COMMD10: variants seen among roughly 807,000 people sequenced by gnomAD.
The protein encoded by COMMD10 is COMM domain-containing protein 10.
A neutral mutation model predicts 28.9 loss-of-function variants in COMMD10; 33 were observed. That is an observed-to-expected ratio of 1.14 (90% CI 0.87 to 1.53). COMMD10 has a LOEUF of 1.53. COMMD10 is among the 40% of genes most tolerant of loss of function. The pLI is 0.00. For synonymous variants in COMMD10, 110 were observed against 81.7 expected (o/e 1.35, Z -1.87); for missense variants, 310 against 233.4 (o/e 1.33, Z -2.14).
At chr5:116,183,976 G>A (rs979480776) in intron 5 of COMMD10, among the ~76,000 whole-genome samples, 1 of 152,112 alleles carries the variant, frequency 6.6e-6, no homozygotes, top group Admixed American at 6.6e-5. Context: ...ATTTTGTGTG[G>A]ATTTTAATTA....
intron 5 of COMMD10, among the ~76,000 whole-genome samples, chr5:116,185,110 T>C (rs556947212): frequency 2.0e-5 from 3 of 152,142 alleles, no homozygotes; most frequent in Non-Finnish European, 2.9e-5. Context: ...AAGGGAGATA[T>C]AAGTACAAGT....
intron 1 of COMMD10, among the ~76,000 whole-genome samples, chr5:116,086,382 T>C (rs917281078): frequency 5.9e-5 from 9 of 152,166 alleles, no homozygotes; most frequent in Non-Finnish European, 1.2e-4. Flanking sequence ...TCATTTAAAG[T>C]TGATTATTAC....
chr5:116,235,748 A>G (rs1297574188), intron 5 of COMMD10, among the ~76,000 whole-genome samples: 4 of 152,146 alleles, frequency 2.6e-5, no homozygotes, highest in Non-Finnish European at 5.9e-5. Context: ...TTGTGTTGGT[A>G]ACATCTTTTT....
intron 4 of COMMD10, among the ~76,000 whole-genome samples, chr5:116,130,099 A>C (rs1751816073): frequency 6.6e-6 from 1 of 151,778 alleles, no homozygotes; most frequent in South Asian, 2.1e-4. Flanking sequence ...TAAGAAAGCC[A>C]ATCCATGAAT....
At chr5:116,125,641 G>A (rs1751602960) in intron 4 of COMMD10, among the ~76,000 whole-genome samples, 1 of 152,068 alleles carries the variant, frequency 6.6e-6, no homozygotes, top group African/African-American at 2.4e-5. Context: ...ATCCTGCAGA[G>A]TGTTTTCCAA....
chr5:116,107,621 G>T (rs1750884597), intron 4 of COMMD10, among the ~76,000 whole-genome samples: 1 of 151,998 alleles, frequency 6.6e-6, no homozygotes, highest in Admixed American at 6.6e-5. Flanking sequence ...CATTGGGTTA[G>T]AACATGCGCC....
intron 5 of COMMD10, among the ~76,000 whole-genome samples, chr5:116,222,638 T>A (rs1251576928): frequency 6.6e-6 from 1 of 152,188 alleles, no homozygotes; most frequent in Non-Finnish European, 1.5e-5. Flanking sequence ...TTTTGGCCTT[T>A]TGTTCACAAA....
chr5:116,283,647 T>A (rs7708270), intron 5 of COMMD10, among the ~76,000 whole-genome samples: 8,208 of 151,798 alleles, frequency 0.054, 402 homozygotes, highest in African/African-American at 0.11. Context: ...AAATAAGACC[T>A]GTTATTTTGA....
Position 116,273,037 on chromosome 5 carries a change from C to T in COMMD10, c.511-18480C>T, listed in dbSNP as rs116141936. Reference sequence around the variant, plus strand: ...TCTCCATCAAGTCTTTATAAAACATCAATGATTTCACCACATTTCACCCAC... The same window carrying T: ...TCTCCATCAAGTCTTTATAAAACATTAATGATTTCACCACATTTCACCCAC... On this transcript the variant is annotated intron_variant, in intron 5 of 6. Coordinates refer to ENST00000274458, the MANE Select transcript of COMMD10 (RefSeq NM_016144.4). Among the ~76,000 whole-genome samples the T allele has an allele frequency of 4.9e-3, 740 of 151,884 alleles. 17 individuals carry two copies. Among genetic ancestry groups the T allele is most frequent in the African/African-American group, 0.015 (630 of 41,272 alleles).
chr5:116,191,094 G>A (rs1219390700), intron 5 of COMMD10, among the ~76,000 whole-genome samples: 1 of 152,106 alleles, frequency 6.6e-6, no homozygotes, highest in African/African-American at 2.4e-5. Flanking sequence ...ATAGACTCAT[G>A]CTATTTCCAG....
At chr5:116,188,578 T>G (rs1044950500) in intron 5 of COMMD10, 3 of 151,676 alleles carry the variant, frequency 2.0e-5, no homozygotes, top group African/African-American at 4.9e-5. Context: ...CTTTCTTCTT[T>G]CTTTCTTTCT....
At chr5:116,130,819 A>G (rs1447156830) in intron 4 of COMMD10, among the ~76,000 whole-genome samples, 1 of 152,030 alleles carries the variant, frequency 6.6e-6, no homozygotes, top group Non-Finnish European at 1.5e-5. Flanking sequence ...TTAGAGTTGT[A>G]TCCTTTTGTC....
intron 4 of COMMD10, among the ~76,000 whole-genome samples, chr5:116,114,202 A>G (rs1751155456): frequency 6.6e-6 from 1 of 151,986 alleles, no homozygotes; most frequent in African/African-American, 2.4e-5. Context: ...TATCTAGGGC[A>G]GTGTGTGCTG....
In COMMD10 at chr5:116,092,577, G is replaced by C. The variant is rs1256128403; in HGVS notation, c.276G>C (p.Leu92Phe). The C allele has an allele frequency of 3.1e-6, 5 of 1,609,080 alleles. No individual in the cohort carries two copies. The highest frequency in any genetic ancestry group is 4.2e-6 in the Non-Finnish European group (5 of 1,177,880). ...ATCACAATGTGAAGCCAGCAGCTTTGCAGCAGCAATTAGAGAACATTCATC... is the reference window on the plus strand; with the variant it reads ...ATCACAATGTGAAGCCAGCAGCTTTCCAGCAGCAATTAGAGAACATTCATC... ...AVYHNVKPAA[L>F]QQQLENIHLR... The change falls in exon 4 of 7, where the codon TTG becomes TTC. Residue 92 changes from leucine (L) to phenylalanine (F), a missense_variant. Transcript: ENST00000274458.
intron 4 of COMMD10, among the ~76,000 whole-genome samples, chr5:116,123,394 C>G (rs112427146): frequency 1.3e-5 from 2 of 152,142 alleles, no homozygotes; most frequent in African/African-American, 4.8e-5. Flanking sequence ...TATGTTGAAC[C>G]AGCCTTGTAT....
intron 5 of COMMD10, among the ~76,000 whole-genome samples, chr5:116,185,596 A>G (rs571323811): frequency 6.6e-6 from 1 of 152,080 alleles, no homozygotes; most frequent in Non-Finnish European, 1.5e-5. Context: ...GTCTTATTGC[A>G]TGGAGTTCTC....
intron 4 of COMMD10, among the ~76,000 whole-genome samples, chr5:116,115,400 C>G (rs1751199483): frequency 6.6e-6 from 1 of 152,172 alleles, no homozygotes; most frequent in Non-Finnish European, 1.5e-5. Flanking sequence ...TTTCTGTTTG[C>G]TTTTCTGTTA....
chr5:116,148,640 C>CT (rs1009708883), intron 5 of COMMD10, among the ~76,000 whole-genome samples: 21 of 148,668 alleles, frequency 1.4e-4, no homozygotes, highest in Middle Eastern at 3.4e-3. Flanking sequence ...TCAATGGATT[C>CT]TTTTTTTTTT....
chr5:116,241,480 G>T (rs1235457099), intron 5 of COMMD10, among the ~76,000 whole-genome samples: 1 of 152,046 alleles, frequency 6.6e-6, no homozygotes, highest in Non-Finnish European at 1.5e-5. Context: ...ACTAAAAAGT[G>T]CCACAGACTG....
Sources: allele counts gnomAD v4.1 joint callset (sites outside exome capture counted in the v4.1 genomes callset), GRCh38; gene constraint gnomAD v4.1.1; transcripts MANE v1.5; gene names NCBI Gene and HGNC (gene_info 2026-07-23, HGNC 2026-07-21).